Variants in TTC6 observed in about 807,000 individuals in gnomAD.
The protein encoded by TTC6 is tetratricopeptide repeat protein 6.
TTC6 carries 172 observed loss-of-function variants against 210.4 expected under a neutral mutation model. The ratio of observed to expected loss-of-function variants is 0.82; its 90% CI spans 0.72 to 0.93. The LOEUF is 0.93. Among genes scored for constraint, TTC6 ranks in the 40% least tolerant of loss-of-function variants. The probability of loss-of-function intolerance (pLI) is 0.00; values close to 1 mark genes in which losing one functional copy is unlikely to be tolerated. For synonymous variants in TTC6, 804 were observed against 819.6 expected (o/e 0.98, Z 0.32); for missense variants, 2,414 against 2,318.1 (o/e 1.04, Z -0.85).
chr14:37,759,642 A>G (rs539111343), intron 14 of TTC6, among the ~76,000 whole-genome samples: 6 of 152,150 alleles, frequency 3.9e-5, no homozygotes, highest in African/African-American at 1.4e-4. Context: ...ATACCAATCA[A>G]TCGTAGGTTT....
chr14:37,701,639 GAGGGAGC>G (rs2095825588), intron 5 of TTC6, 113 bp downstream of exon 7: 1 of 1,023,722 alleles, frequency 9.8e-7, no homozygotes, highest in Admixed American at 3.5e-5. Flanking sequence ...CACTAAAGAG[GAGGGAGC>G]AGTTTTTGTT....
intron 19 of TTC6, among the ~76,000 whole-genome samples, 189 bp downstream of exon 21, chr14:37,796,559 T>A (rs1274423815): frequency 6.6e-6 from 1 of 152,098 alleles, no homozygotes; most frequent in Non-Finnish European, 1.5e-5. Context: ...AGAGAGAATT[T>A]TTATGGGAAA....
chr14:37,611,259 C>T (rs1287172154), intron 2 of TTC6: 1 of 152,166 alleles, frequency 6.6e-6, no homozygotes, highest in Non-Finnish European at 1.5e-5. Flanking sequence ...CCAGTCGAGC[C>T]CACCCGGCCC....
intron 2 of TTC6, among the ~76,000 whole-genome samples, chr14:37,680,523 A>C (rs1292943264): frequency 6.6e-6 from 1 of 152,118 alleles, no homozygotes; most frequent in East Asian, 1.9e-4. Context: ...ATTTAGAGAC[A>C]TTTAGATCTA....
intron 1 of TTC6, among the ~76,000 whole-genome samples, chr14:37,626,869 G>A (rs457621): frequency 6.6e-6 from 1 of 151,930 alleles, no homozygotes; most frequent in Non-Finnish European, 1.5e-5. Flanking sequence ...AACCTATGGC[G>A]CCACTCCCAC....
chr14:37,767,300 T>G (rs1219374793), intron 14 of TTC6, among the ~76,000 whole-genome samples: 1 of 152,202 alleles, frequency 6.6e-6, no homozygotes, highest in Non-Finnish European at 1.5e-5. Flanking sequence ...TTTATAGTCC[T>G]TTGGGTATAT....
At chr14:37,702,175 A>G (rs1425428981) in intron 5 of TTC6, among the ~76,000 whole-genome samples, 1 of 152,136 alleles carries the variant, frequency 6.6e-6, no homozygotes, top group East Asian at 1.9e-4. Flanking sequence ...GTAAGGGAGA[A>G]GTTGTAATTT....
At chr14:37,792,327 G>C in exon 17 of TTC6, 1 of 1,532,352 alleles carries the variant, frequency 6.5e-7, no homozygotes, top group Non-Finnish European at 8.7e-7. Flanking sequence ...ATAACTACAC[G>C]GAAGCTATTT....
chr14:37,648,034 A>C (rs2095704751), intron 1 of TTC6, among the ~76,000 whole-genome samples: 1 of 152,076 alleles, frequency 6.6e-6, no homozygotes, highest in Non-Finnish European at 1.5e-5. Flanking sequence ...ACACGTTCAC[A>C]CCCCTCCCCA....
chr14:37,671,165 T>A (rs1386600767), intron 1 of TTC6, among the ~76,000 whole-genome samples: 1 of 152,152 alleles, frequency 6.6e-6, no homozygotes, highest in Non-Finnish European at 1.5e-5. Context: ...GCTCCCAGGA[T>A]GCCTCAGTCA....
intron 10 of TTC6, among the ~76,000 whole-genome samples, chr14:37,739,494 G>C (rs988436025): frequency 1.3e-5 from 2 of 151,022 alleles, no homozygotes; most frequent in African/African-American, 4.9e-5. Context: ...GGTTGAACCT[G>C]GGAGGTGGAG....
chr14:37,696,601 T>C (rs2095815283), intron 3 of TTC6, 116 bp from the exon 6 acceptor site: 1 of 440,818 alleles, frequency 2.3e-6, no homozygotes, highest in Non-Finnish European at 3.9e-6. Flanking sequence ...CATTCTGTTA[T>C]AACATATACA....
intron 20 of TTC6, among the ~76,000 whole-genome samples, chr14:37,803,337 A>T (rs2096111133): frequency 6.6e-6 from 1 of 152,152 alleles, no homozygotes; most frequent in African/African-American, 2.4e-5. Flanking sequence ...TAGTTAAAAA[A>T]ATTTTTTTGA....
At chr14:37,831,144 T>A (rs967648997) in intron 29 of TTC6, among the ~76,000 whole-genome samples, 11 of 152,260 alleles carry the variant, frequency 7.2e-5, no homozygotes, top group African/African-American at 2.6e-4. Flanking sequence ...AAAGTTGTTT[T>A]TTTTAAGCCT....
chr14:37,781,433 G>T (rs977630739), intron 14 of TTC6, among the ~76,000 whole-genome samples: 3 of 151,408 alleles, frequency 2.0e-5, no homozygotes, highest in Non-Finnish European at 4.4e-5. Context: ...TCTTTTTTTT[G>T]AAAAGTGTTC....
intron 1 of TTC6, among the ~76,000 whole-genome samples, chr14:37,666,320 A>C (rs1171393895): frequency 6.7e-6 from 1 of 149,788 alleles, no homozygotes; most frequent in African/African-American, 2.4e-5. Context: ...ACCATTTAAA[A>C]AAGTTGAAAG....
intron 14 of TTC6, among the ~76,000 whole-genome samples, chr14:37,779,007 A>G (rs2096046716): frequency 6.6e-6 from 1 of 152,146 alleles, no homozygotes; most frequent in African/African-American, 2.4e-5. Context: ...GCTTTGCACA[A>G]GCTGGAATTT....
intron 24 of TTC6, among the ~76,000 whole-genome samples, chr14:37,809,277 G>T (rs1444879870): frequency 7.7e-6 from 1 of 129,244 alleles, no homozygotes; most frequent in Non-Finnish European, 1.6e-5. Flanking sequence ...TTTTGAGACG[G>T]AGACTCACTC....
intron 14 of TTC6, among the ~76,000 whole-genome samples, chr14:37,786,489 G>A (rs779654168): frequency 6.6e-6 from 1 of 152,194 alleles, no homozygotes; most frequent in Non-Finnish European, 1.5e-5. Flanking sequence ...GCAGTATTAG[G>A]GTTGGAGTGA....
Sources: allele counts gnomAD v4.1 joint callset (sites outside exome capture counted in the v4.1 genomes callset), GRCh38; gene constraint gnomAD v4.1.1; transcripts MANE v1.5; gene names NCBI Gene and HGNC (gene_info 2026-07-23, HGNC 2026-07-21).